LRBA: variants seen among roughly 807,000 people sequenced by gnomAD.
LRBA encodes the protein LPS responsive beige-like anchor protein.
A neutral mutation model predicts 330.0 loss-of-function variants in LRBA; 176 were observed. The observed-to-expected ratio is 0.53, with a 90% CI of 0.47 to 0.60. LRBA has a LOEUF of 0.60. Ranked by LOEUF, LRBA falls within the 20% of genes least tolerant of loss-of-function variation. LRBA has a pLI of 0.00. For missense variants in LRBA, 3,259 were observed against 3,444.8 expected (o/e 0.95, Z 1.35); for synonymous variants, 1,230 against 1,193.0 (o/e 1.03, Z -0.64).
chr4:150,402,561 C>G (rs1000825988), intron 47 of LRBA, among the ~76,000 whole-genome samples: 3 of 151,864 alleles, frequency 2.0e-5, no homozygotes, highest in Admixed American at 2.0e-4. Context: ...ACTAAATTTG[C>G]CTTTGCTTAA....
intron 40 of LRBA, among the ~76,000 whole-genome samples, chr4:150,542,399 C>T (rs1765402905): frequency 6.6e-6 from 1 of 152,210 alleles, no homozygotes; most frequent in Admixed American, 6.5e-5. Context: ...GCATATCACA[C>T]ATTAAAAGTG....
intron 37 of LRBA, among the ~76,000 whole-genome samples, chr4:150,678,854 T>C (rs966272892): frequency 7.9e-5 from 12 of 152,278 alleles, no homozygotes; most frequent in African/African-American, 2.4e-4. Flanking sequence ...TGGGTGTATA[T>C]TGCACTTATG....
At chr4:150,725,400 G>A (rs1471745748) in intron 36 of LRBA, among the ~76,000 whole-genome samples, 6 of 152,254 alleles carry the variant, frequency 3.9e-5, no homozygotes, top group South Asian at 2.1e-4. Context: ...ACTTTTCAGC[G>A]GAAACCTTAC....
At chr4:150,294,223 C>G (rs1412654506) in intron 53 of LRBA, among the ~76,000 whole-genome samples, 2 of 152,166 alleles carry the variant, frequency 1.3e-5, no homozygotes, top group Non-Finnish European at 2.9e-5. Context: ...TTGAAAAATA[C>G]AAAATCTTAC....
intron 17 of LRBA, among the ~76,000 whole-genome samples, chr4:150,875,303 G>A (rs1468233475): frequency 6.6e-6 from 1 of 152,218 alleles, no homozygotes; most frequent in Non-Finnish European, 1.5e-5. Context: ...TAGATCTCCA[G>A]GAATCTGGAA....
intron 56 of LRBA, among the ~76,000 whole-genome samples, chr4:150,275,138 T>C (rs1746594077): frequency 6.6e-6 from 1 of 152,276 alleles, no homozygotes; most frequent in East Asian, 1.9e-4. Context: ...CACAAATCAA[T>C]AAAAGTAATC....
At chr4:150,599,577 T>C (rs1340341147) in intron 37 of LRBA, among the ~76,000 whole-genome samples, 1 of 152,224 alleles carries the variant, frequency 6.6e-6, no homozygotes, top group African/African-American at 2.4e-5. Context: ...CCCCTTCATT[T>C]TTCTTCCTAA....
intron 48 of LRBA, among the ~76,000 whole-genome samples, chr4:150,337,620 G>A (rs944540610): frequency 6.6e-6 from 1 of 152,154 alleles, no homozygotes; most frequent in African/African-American, 2.4e-5. Flanking sequence ...CCTGCACTGT[G>A]TCAAATATGC....
At chr4:150,909,773 C>T (rs776942782) in intron 9 of LRBA, among the ~76,000 whole-genome samples, 1 of 152,052 alleles carries the variant, frequency 6.6e-6, no homozygotes, top group Admixed American at 6.6e-5. Flanking sequence ...TTTTCATTCC[C>T]CTCAACAGTG....
chr4:150,569,846 A>G (rs1769621110), intron 40 of LRBA, among the ~76,000 whole-genome samples: 1 of 152,136 alleles, frequency 6.6e-6, no homozygotes, highest in South Asian at 2.1e-4. Context: ...TAAACAAAGA[A>G]AAGAACTGAC....
At position 150,852,232 on chromosome 4, in the gene LRBA, T is replaced by C. The variant is rs1447488510; in HGVS notation, c.3478A>G (p.Lys1160Glu). Residue 1160 changes from lysine (K) to glutamate (E), a missense_variant, in exon 23 of 57, where the codon AAA becomes GAA. Lys to Glu is a moderately conservative substitution (Grantham distance 56, BLOSUM62 1). Coordinates refer to ENST00000651943, the MANE Select transcript of LRBA (RefSeq NM_001364905.1). ...NDDKLIFQEG[K>E]PVTEKQTDTE... ...TCAGTTTGCTTTTCAGTAACAGGTT[T>C]TCCTTCTTGAAATATTAATTTGTCA... 6.2e-7 allele frequency: 1 copy of C among 1,613,968 alleles called. No individual in the cohort carries two copies. Among genetic ancestry groups the C allele is most frequent in the Non-Finnish European group, 8.5e-7 (1 of 1,179,978 alleles).
Position 150,852,913 on chromosome 4 carries a change from C to A in LRBA, c.2797G>T (p.Ala933Ser). Residue 933 changes from alanine to serine, a missense_variant, in exon 23 of 57, where the codon GCC becomes TCC. By Grantham distance (99) the Ala-to-Ser change is moderately conservative. Coordinates refer to ENST00000651943, the MANE Select transcript of LRBA (RefSeq NM_001364905.1). ...CCTTGCTGTTCCCTAAATATATTGGCAAGGTTTTCTTTGTGTATTTCAAAA... is the reference window on the plus strand; with the variant it reads ...CCTTGCTGTTCCCTAAATATATTGGAAAGGTTTTCTTTGTGTATTTCAAAA... ...VTFEIHKENL[A>S]NIFREQQGKV... 1 of 1,585,234 alleles carries A rather than the reference C, an allele frequency of 6.3e-7. No individual in the cohort carries two copies. Among genetic ancestry groups the A allele is most frequent in the Non-Finnish European group, 8.6e-7 (1 of 1,167,330 alleles).
chr4:150,517,502 C>A (rs924780094), intron 40 of LRBA, among the ~76,000 whole-genome samples: 5 of 151,954 alleles, frequency 3.3e-5, no homozygotes, highest in African/African-American at 1.2e-4. Context: ...GCCTGGGCAA[C>A]AGAACAAAAC....
intron 47 of LRBA, among the ~76,000 whole-genome samples, chr4:150,359,508 G>T (rs1169330005): frequency 1.3e-5 from 2 of 152,114 alleles, no homozygotes; most frequent in African/African-American, 2.4e-5. Flanking sequence ...AAGGAATTTT[G>T]GGTGATCAGT....
intron 36 of LRBA, among the ~76,000 whole-genome samples, chr4:150,734,821 C>T (rs937884328): frequency 2.6e-5 from 4 of 152,182 alleles, no homozygotes; most frequent in African/African-American, 9.7e-5. Context: ...CGCTCTCAAA[C>T]CCTAAAGACA....
chr4:150,963,652 T>G (rs1738460219), intron 2 of LRBA, among the ~76,000 whole-genome samples: 1 of 147,894 alleles, frequency 6.8e-6, no homozygotes, highest in African/African-American at 2.6e-5. Flanking sequence ...GCCCATCGTC[T>G]GGGATGCGAG....
chr4:150,376,835 T>C (rs1176951363), intron 47 of LRBA, among the ~76,000 whole-genome samples: 2 of 152,020 alleles, frequency 1.3e-5, no homozygotes, highest in South Asian at 2.1e-4. Context: ...CAGCTAGGAG[T>C]TTGTTTTTAA....
intron 37 of LRBA, among the ~76,000 whole-genome samples, chr4:150,615,350 C>G (rs1397816009): frequency 6.6e-6 from 1 of 152,188 alleles, no homozygotes; most frequent in Non-Finnish European, 1.5e-5. Flanking sequence ...AACGTGATCA[C>G]TCCAGCTCCT....
intron 17 of LRBA, among the ~76,000 whole-genome samples, chr4:150,885,726 T>C (rs1728880783): frequency 6.6e-6 from 1 of 151,898 alleles, no homozygotes; most frequent in Admixed American, 6.6e-5. Flanking sequence ...ACTGATGACA[T>C]ACAGAGCAAC....
Sources: allele counts gnomAD v4.1 joint callset (sites outside exome capture counted in the v4.1 genomes callset), GRCh38; gene constraint gnomAD v4.1.1; transcripts MANE v1.5; gene names NCBI Gene and HGNC (gene_info 2026-07-23, HGNC 2026-07-21).